SERPINE2: variants seen among roughly 807,000 people sequenced by gnomAD.
SERPINE2 encodes the protein glia-derived nexin.
A neutral mutation model predicts 36.3 loss-of-function variants in SERPINE2; 14 were observed. The ratio of observed to expected loss-of-function variants is 0.39; its 90% CI spans 0.25 to 0.60. The LOEUF is 0.60. Ranked by LOEUF, SERPINE2 falls within the 20% of genes least tolerant of loss-of-function variation. SERPINE2 has a pLI of 0.57. For missense variants in SERPINE2, 418 were observed against 499.6 expected (o/e 0.84, Z 1.56); for synonymous variants, 192 against 191.8 (o/e 1.00, Z -0.01).
intron 1 of SERPINE2, among the ~76,000 whole-genome samples, chr2:224,021,446 C>T (rs1474232736): frequency 1.3e-5 from 2 of 152,170 alleles, no homozygotes; most frequent in African/African-American, 4.8e-5. Flanking sequence ...AAGACAGAGC[C>T]TGACCTTAAG....
chr2:224,029,900 A>G (rs1196969891), intron 1 of SERPINE2, among the ~76,000 whole-genome samples: 2 of 152,124 alleles, frequency 1.3e-5, no homozygotes, highest in African/African-American at 4.8e-5. Flanking sequence ...GGGTTTCACT[A>G]TGTTCAGGCT....
rs550250828 is a variant in SERPINE2, at chr2:224,035,066, A to C, written c.-23+4033T>G. Among the ~76,000 whole-genome samples, 28 of 152,166 alleles carry C rather than the reference A, an allele frequency of 1.8e-4. 1 individual carries two copies. The highest frequency in any genetic ancestry group is 6.5e-4 in the African/African-American group (27 of 41,502). ...ATTGAATTTTATTAGGAGGGACCCAAGAAGACTTGGATTTGGGGCAGCAGG... is the reference window on the plus strand; with the variant it reads ...ATTGAATTTTATTAGGAGGGACCCACGAAGACTTGGATTTGGGGCAGCAGG... On this transcript the variant is annotated intron_variant, in intron 1 of 8. Coordinates refer to ENST00000409304, the MANE Select transcript of SERPINE2 (RefSeq NM_001136528.2).
At chr2:223,982,616 C>A in intron 6 of SERPINE2, 65 bp downstream of exon 6, 1 of 984,182 alleles carries the variant, frequency 1.0e-6, no homozygotes, top group Non-Finnish European at 1.6e-6. Context: ...TTTTTCTCTG[C>A]ACAAATCAGT....
intron 1 of SERPINE2, among the ~76,000 whole-genome samples, chr2:224,017,524 G>A (rs1427886269): frequency 6.6e-6 from 1 of 152,132 alleles, no homozygotes; most frequent in Admixed American, 6.5e-5. Flanking sequence ...ACTTATAACA[G>A]TATTAATTCT....
At chr2:223,979,233 G>T (rs968961668) in intron 7 of SERPINE2, 15 of 152,060 alleles carry the variant, frequency 9.9e-5, no homozygotes, top group African/African-American at 3.4e-4. Flanking sequence ...TTGAACAAGG[G>T]GCTCCATATT....
In SERPINE2 at chr2:224,006,743, T is replaced by C. The variant is rs114003205; in HGVS notation, c.-22-4821A>G. On this transcript the variant is annotated intron_variant, in intron 1 of 8. Coordinates refer to ENST00000409304, the MANE Select transcript of SERPINE2 (RefSeq NM_001136528.2). ...GCAATACAGAGTATTCTAAAAATAT[T>C]TTTAGCAACTAAAAGTCAAAAAATG... is the stretch of plus-strand genomic sequence containing the variant. 6.4e-3 allele frequency among the ~76,000 whole-genome samples: 969 copies of C among 152,290 alleles called. 11 individuals carry two copies. The highest frequency in any genetic ancestry group is 0.022 in the African/African-American group (929 of 41,566).
chr2:224,004,338 T>C lies in SERPINE2; in HGVS notation c.-22-2416A>G, dbSNP rs1003203096. ...TCCAGCTGATGTTGCAAGTTTCTTATATGTTGTGAAACAAGCGCTTTTCTA... is the reference window on the plus strand; with the variant it reads ...TCCAGCTGATGTTGCAAGTTTCTTACATGTTGTGAAACAAGCGCTTTTCTA... On this transcript the variant is annotated intron_variant, in intron 1 of 8. Transcript: ENST00000409304. Among the ~76,000 whole-genome samples the C allele has an allele frequency of 3.3e-5, 5 of 152,340 alleles. No homozygotes were observed. In the East Asian group the frequency reaches 5.8e-4, roughly 18 times the overall value.
chr2:223,995,904 T>A (rs1690869882), intron 3 of SERPINE2, among the ~76,000 whole-genome samples: 2 of 152,218 alleles, frequency 1.3e-5, no homozygotes, highest in South Asian at 4.1e-4. Context: ...ACCCAAGGGT[T>A]TACCTATTGA....
rs78281785 is a variant in SERPINE2, at chr2:224,031,628, G to A, written c.-23+7471C>T. 8.3e-3 allele frequency: 3,191 copies of A among 383,312 alleles called. 76 individuals are homozygous for A. Among genetic ancestry groups the A allele is most frequent in the African/African-American group, 0.055 (2,522 of 45,696 alleles). The allele number at this position is 383,312 out of a possible 1,614,324, so 23.7% of individuals were successfully genotyped here. The stretch of plus-strand genomic sequence containing the variant: ...CCCACAGCCATTGGTATCGGGACGA[G>A]CATGTGACCATGTGACTTAGCATCA... On this transcript the variant is annotated intron_variant, in intron 1 of 8. Transcript: ENST00000409304.
intron 3 of SERPINE2, 148 bp downstream of exon 3, chr2:223,997,967 G>C: frequency 1.5e-6 from 1 of 655,812 alleles, no homozygotes; most frequent in East Asian, 2.7e-5. Flanking sequence ...AGGGGAAGGA[G>C]GGAGACTGAA....
chr2:223,984,156 A>G (rs1690337317), intron 5 of SERPINE2, among the ~76,000 whole-genome samples: 1 of 152,046 alleles, frequency 6.6e-6, no homozygotes, highest in African/African-American at 2.4e-5. Context: ...AACAACATTC[A>G]TTGCTTCTTC....
intron 1 of SERPINE2, among the ~76,000 whole-genome samples, chr2:224,022,265 G>A (rs941985376): frequency 4.0e-5 from 6 of 149,556 alleles, no homozygotes; most frequent in African/African-American, 1.2e-4. Context: ...CCAGGAGGCA[G>A]AGGTTGCAGT....
chr2:223,998,278 C>T lies in SERPINE2; in HGVS notation c.324G>A (p.Val108=). 1 of 1,614,222 alleles carries T rather than the reference C, an allele frequency of 6.2e-7. No homozygotes were observed. Among genetic ancestry groups the T allele is most frequent in the Non-Finnish European group, 8.5e-7 (1 of 1,180,030 alleles). Residue 108 remains valine (V), a synonymous_variant, in exon 3 of 9, where the codon GTG becomes GTA. Transcript: ENST00000409304. ...AIVSKKNKDI[V]TVANAVFVKN... ...TAACAAACACGGCGTTAGCCACTGTCACAATGTCTTTATTCTTCTTGGAGA... is the reference window on the plus strand; with the variant it reads ...TAACAAACACGGCGTTAGCCACTGTTACAATGTCTTTATTCTTCTTGGAGA...
chr2:224,019,605 T>C (rs1009501025), intron 1 of SERPINE2, among the ~76,000 whole-genome samples: 3 of 152,112 alleles, frequency 2.0e-5, no homozygotes, highest in Admixed American at 2.0e-4. Context: ...GCATGGCACA[T>C]GGACACTGAA....
intron 3 of SERPINE2, among the ~76,000 whole-genome samples, chr2:223,993,255 T>G (rs2106152668): frequency 6.6e-6 from 1 of 152,244 alleles, no homozygotes; most frequent in East Asian, 1.9e-4. Flanking sequence ...GTATCAGGAG[T>G]GAAGGAGTGA....
intron 1 of SERPINE2, among the ~76,000 whole-genome samples, chr2:224,035,597 G>A (rs180684095): frequency 6.6e-5 from 10 of 152,222 alleles, no homozygotes; most frequent in African/African-American, 2.2e-4. Flanking sequence ...TTGAACTCCT[G>A]ACCTCAAGTG....
chr2:224,016,895 C>A (rs998932755), intron 1 of SERPINE2, among the ~76,000 whole-genome samples: 1 of 152,094 alleles, frequency 6.6e-6, no homozygotes, highest in Non-Finnish European at 1.5e-5. Context: ...TGTGTAATTC[C>A]ATGTATATAA....
At chr2:223,977,936 T>C (rs574378818) in intron 7 of SERPINE2, 26 of 197,706 alleles carry the variant, frequency 1.3e-4, no homozygotes, top group Non-Finnish European at 2.5e-4. Context: ...AGATATATTA[T>C]AGCTCTTAGA....
At chr2:224,010,186 G>A (rs1174263121) in intron 1 of SERPINE2, among the ~76,000 whole-genome samples, 2 of 152,188 alleles carry the variant, frequency 1.3e-5, no homozygotes, top group African/African-American at 4.8e-5. Flanking sequence ...GGGGACAGCA[G>A]CTTGGTAGTT....
Sources: gnomAD v4.1 joint callset for allele counts (sites outside exome capture counted in the v4.1 genomes callset) on GRCh38, gnomAD v4.1.1 for gene constraint, MANE v1.5 for transcripts, NCBI Gene and HGNC (gene_info 2026-07-23, HGNC 2026-07-21) for gene names.